The following KCNK2 variants were observed in gnomAD, a reference collection of about 807,000 sequenced individuals.
KCNK2 encodes potassium channel subfamily K member 2.
A neutral mutation model predicts 40.5 loss-of-function variants in KCNK2; 21 were observed. The ratio of observed to expected loss-of-function variants is 0.52; its 90% CI spans 0.37 to 0.75. The LOEUF is 0.75. Among genes scored for constraint, KCNK2 ranks in the 30% least tolerant of loss-of-function variants. KCNK2 has a pLI of 0.00. For missense variants in KCNK2, 399 were observed against 531.6 expected (o/e 0.75, Z 2.45); for synonymous variants, 191 against 202.2 (o/e 0.94, Z 0.47).
At chr1:215,071,855 G>A (rs1463801220) in intron 1 of KCNK2, among the ~76,000 whole-genome samples, 2 of 152,102 alleles carry the variant, frequency 1.3e-5, no homozygotes, top group Admixed American at 6.6e-5. Flanking sequence ...GTGATCCAGC[G>A]GGGAGGGTAA....
rs927156136 is a variant in KCNK2 at position 215,149,892 on chromosome 1, T to C, written c.476-19307T>C. ...TCAACATTCAAGATGAGAGACTGCC[T>C]GAGTAGAATGAAGAGAGGGCTACCA... On this transcript the variant is annotated intron_variant, in intron 3 of 6. Coordinates refer to ENST00000444842, the MANE Select transcript of KCNK2 (RefSeq NM_001017425.3). 2.6e-5 allele frequency among the ~76,000 whole-genome samples: 4 copies of C among 152,306 alleles called. No individual in the cohort carries two copies. In the South Asian group the frequency reaches 6.2e-4, roughly 24 times the overall value.
intron 1 of KCNK2, among the ~76,000 whole-genome samples, chr1:215,059,804 A>G (rs938483982): frequency 4.6e-5 from 7 of 152,342 alleles, no homozygotes; most frequent in Admixed American, 2.6e-4. Flanking sequence ...GTCAGAATCC[A>G]GAAATGCATC....
At chr1:215,206,010 A>C (rs1665301270) in intron 6 of KCNK2, among the ~76,000 whole-genome samples, 1 of 152,172 alleles carries the variant, frequency 6.6e-6, no homozygotes, top group Non-Finnish European at 1.5e-5. Flanking sequence ...TAGTAGTTTT[A>C]GTAAAACGGA....
In KCNK2 at chr1:215,007,093, A is replaced by G. The variant is rs1245984820; in HGVS notation, c.34+1138A>G. ...TGTGTATATATATATGTGTGTATAT[A>G]TATATGTATATATATGTGTGTATAT... On this transcript the variant is annotated intron_variant, in intron 1 of 6. Coordinates refer to the KCNK2 transcript ENST00000391895. Among the ~76,000 whole-genome samples the G allele has an allele frequency of 9.6e-5, 12 of 125,504 alleles. 1 individual carries two copies. The highest frequency in any genetic ancestry group is 1.5e-4 in the Non-Finnish European group (9 of 59,058). 82.3% of individuals were successfully genotyped at this position (125,504 alleles called of 152,430 possible). A position where few individuals can be genotyped will look rare whatever the true frequency, so the allele number is the denominator to read the frequency against.
intron 3 of KCNK2, among the ~76,000 whole-genome samples, chr1:215,152,615 T>C (rs1201704833): frequency 6.6e-6 from 1 of 152,184 alleles, no homozygotes; most frequent in Non-Finnish European, 1.5e-5. Context: ...TCATCTGAGT[T>C]TCCTCAGTAA....
intron 1 of KCNK2, among the ~76,000 whole-genome samples, chr1:215,043,025 A>G (rs1461433849): frequency 6.6e-6 from 1 of 152,182 alleles, no homozygotes; most frequent in Non-Finnish European, 1.5e-5. Flanking sequence ...CCTACTCTCC[A>G]GGTGCCCATG....
chr1:215,122,015 GA>G (rs1661209788), intron 2 of KCNK2, among the ~76,000 whole-genome samples: 1 of 152,058 alleles, frequency 6.6e-6, no homozygotes, highest in Non-Finnish European at 1.5e-5. Context: ...AAAATTTTGA[GA>G]ATTGCTGGTG....
At chr1:215,164,158 G>A (rs980518550) in intron 3 of KCNK2, among the ~76,000 whole-genome samples, 5 of 152,150 alleles carry the variant, frequency 3.3e-5, no homozygotes, top group African/African-American at 1.2e-4. Flanking sequence ...GACAGTGTCT[G>A]TGTGCAGGAA....
intron 5 of KCNK2, among the ~76,000 whole-genome samples, chr1:215,174,796 G>A (rs1412612165): frequency 6.6e-6 from 1 of 152,166 alleles, no homozygotes; most frequent in African/African-American, 2.4e-5. Context: ...AAGAATGCTT[G>A]TGATTTTTGC....
intron 2 of KCNK2, among the ~76,000 whole-genome samples, chr1:215,108,130 C>T (rs953078790): frequency 3.3e-5 from 5 of 152,040 alleles, no homozygotes; most frequent in African/African-American, 1.2e-4. Context: ...CTGTGAGAAT[C>T]TAATGCCATG....
intron 6 of KCNK2, among the ~76,000 whole-genome samples, chr1:215,215,944 T>A (rs1195719850): frequency 6.6e-6 from 1 of 152,190 alleles, no homozygotes; most frequent in African/African-American, 2.4e-5. Context: ...CTTTTCTTCC[T>A]GTTTCTTAGG....
rs775055288 is a variant in KCNK2, at chr1:215,083,264, C to T, written c.-122C>T. ...TGTAAAACAAAGCCGGGGAAAATGC[C>T]TGCCCGTGCAGCTCGGAGCGCGCAG... On this transcript the variant is annotated 5_prime_UTR_variant, in exon 1 of 7. Coordinates refer to ENST00000444842, the MANE Select transcript of KCNK2 (RefSeq NM_001017425.3). The T allele has an allele frequency of 6.3e-7, 1 of 1,591,988 alleles. No individual in the cohort carries two copies. The highest frequency in any genetic ancestry group is 1.1e-5 in the South Asian group (1 of 90,618).
At chr1:215,137,129 A>G (rs1034853009) in intron 3 of KCNK2, among the ~76,000 whole-genome samples, 8 of 152,200 alleles carry the variant, frequency 5.3e-5, no homozygotes, top group African/African-American at 1.9e-4. Flanking sequence ...CAGTTTTATC[A>G]TAGGTTTTTG....
At chr1:215,170,354 G>A (rs987361323) in intron 4 of KCNK2, among the ~76,000 whole-genome samples, 1 of 152,072 alleles carries the variant, frequency 6.6e-6, no homozygotes, top group Non-Finnish European at 1.5e-5. Context: ...AGAATTTTAA[G>A]TGAAAAATAA....
chr1:215,080,035 A>G (rs954638046), upstream of KCNK2, among the ~76,000 whole-genome samples: 4 of 152,158 alleles, frequency 2.6e-5, no homozygotes, highest in Non-Finnish European at 5.9e-5. Context: ...CTAATAATGA[A>G]AATAATACAA....
intron 6 of KCNK2, among the ~76,000 whole-genome samples, chr1:215,210,552 G>C (rs1665697643): frequency 6.6e-6 from 1 of 152,008 alleles, no homozygotes; most frequent in Non-Finnish European, 1.5e-5. Context: ...TTCATTCCAG[G>C]AGTACTCATT....
intron 2 of KCNK2, among the ~76,000 whole-genome samples, chr1:215,121,061 G>T (rs1438023307): frequency 3.9e-5 from 6 of 152,060 alleles, no homozygotes; most frequent in Admixed American, 3.3e-4. Context: ...ATTTAACTTA[G>T]CTCTGGAAAG....
At chr1:215,052,355 G>C (rs1658021918) in intron 1 of KCNK2, among the ~76,000 whole-genome samples, 1 of 152,210 alleles carries the variant, frequency 6.6e-6, no homozygotes, top group Non-Finnish European at 1.5e-5. Context: ...TAGAGCAGAG[G>C]ATGGACTGAT....
chr1:215,087,306 C>T (rs1292305584), intron 2 of KCNK2, among the ~76,000 whole-genome samples: 21 of 152,142 alleles, frequency 1.4e-4, no homozygotes, highest in Admixed American at 1.4e-3. Flanking sequence ...TCTCTAACCC[C>T]CAGCTAAGAG....
Sources: gnomAD v4.1 joint callset for allele counts (sites outside exome capture counted in the v4.1 genomes callset) on GRCh38, gnomAD v4.1.1 for gene constraint, MANE v1.5 for transcripts, NCBI Gene and HGNC (gene_info 2026-07-23, HGNC 2026-07-21) for gene names.